The following CNTNAP2 variants were observed in gnomAD, a reference collection of about 807,000 sequenced individuals.
CNTNAP2 encodes the protein contactin associated protein 2.
CNTNAP2 carries 98 observed loss-of-function variants against 155.2 expected under a neutral mutation model. The ratio of observed to expected loss-of-function variants is 0.63; its 90% CI spans 0.54 to 0.75. The LOEUF (loss-of-function observed/expected upper bound fraction) is 0.75, where lower values mean the gene tolerates loss of function less well. Ranked by LOEUF, CNTNAP2 falls within the 30% of genes least tolerant of loss-of-function variation. CNTNAP2 has a pLI of 0.00. For missense variants in CNTNAP2, 1,727 were observed against 1,688.1 expected, an observed-to-expected ratio of 1.02 and a Z score of -0.40; for synonymous variants, 651 against 631.2, an observed-to-expected ratio of 1.03 and a Z score of -0.47.
At chr7:148,384,033 A>C in intron 22 of CNTNAP2, 145 bp downstream of exon 22, 6 of 1,144,670 alleles carry the variant, frequency 5.2e-6, no homozygotes, top group Non-Finnish European at 7.5e-6. Context: ...GTGAGTACGG[A>C]GTTCTCAGGG....
At chr7:147,205,108 C>T (rs1321887923) in intron 8 of CNTNAP2, among the ~76,000 whole-genome samples, 1 of 152,022 alleles carries the variant, frequency 6.6e-6, no homozygotes, top group South Asian at 2.1e-4. Flanking sequence ...ATTTCAGGAC[C>T]TTTTGTGGTA....
At chr7:146,566,998 A>T (rs1798367765) in intron 1 of CNTNAP2, among the ~76,000 whole-genome samples, 1 of 152,204 alleles carries the variant, frequency 6.6e-6, no homozygotes, top group South Asian at 2.1e-4. Flanking sequence ...AACTGACTAG[A>T]ACTACACAGG....
At position 146,209,264 on chromosome 7, in the gene CNTNAP2, A is replaced by G. The variant is rs531263064; in HGVS notation, c.97+92291A>G. The stretch of plus-strand genomic sequence containing the variant: ...AGACAGGTAGGCTACCTCACTTACA[A>G]CCCTACGAGTAGGCTGTCTCCCTAG... On this transcript the variant is annotated intron_variant, in intron 1 of 23. Coordinates refer to ENST00000361727, the MANE Select transcript of CNTNAP2 (RefSeq NM_014141.6). 6.6e-5 allele frequency among the ~76,000 whole-genome samples: 10 copies of G among 152,070 alleles called. No individual in the cohort carries two copies. The South Asian group carries it at 2.1e-3, about 32-fold the overall frequency.
chr7:147,891,386 G>A (rs1347342178), intron 13 of CNTNAP2, among the ~76,000 whole-genome samples: 1 of 152,050 alleles, frequency 6.6e-6, no homozygotes, highest in Non-Finnish European at 1.5e-5. Flanking sequence ...TGTATTTTTA[G>A]TAGAGACGGG....
intron 1 of CNTNAP2, among the ~76,000 whole-genome samples, chr7:146,309,350 T>C (rs1800778762): frequency 6.6e-6 from 1 of 152,168 alleles, no homozygotes; most frequent in Non-Finnish European, 1.5e-5. Context: ...ATGAGTACGC[T>C]GAAAATGAAG....
chr7:146,651,249 G>A (rs1168440221), intron 1 of CNTNAP2, among the ~76,000 whole-genome samples: 6 of 152,074 alleles, frequency 3.9e-5, no homozygotes, highest in African/African-American at 1.4e-4. Flanking sequence ...AGAAATGTGT[G>A]TGTTGTTATG....
chr7:148,267,089 C>T lies in CNTNAP2; in HGVS notation c.3438C>T (p.Phe1146=). 6.2e-7 allele frequency: 1 copy of T among 1,614,198 alleles called. No individual in the cohort carries two copies. Among genetic ancestry groups the T allele is most frequent in the Non-Finnish European group, 8.5e-7 (1 of 1,180,032 alleles). Residue 1146 remains phenylalanine (F), a synonymous_variant, in exon 21 of 24, where the codon TTC becomes TTT. Coordinates refer to ENST00000361727, the MANE Select transcript of CNTNAP2 (RefSeq NM_014141.6). ...YHLPSSSDTL[F]NSPKSLFLGK... ...TGCCAAGTTCATCCGACACCCTCTTCAATTCTCCCAAGTCGCTCTTTCTGG... is the reference window on the plus strand; with the variant it reads ...TGCCAAGTTCATCCGACACCCTCTTTAATTCTCCCAAGTCGCTCTTTCTGG...
At chr7:146,705,242 G>C (rs751154192) in intron 1 of CNTNAP2, among the ~76,000 whole-genome samples, 1 of 152,080 alleles carries the variant, frequency 6.6e-6, no homozygotes, top group Non-Finnish European at 1.5e-5. Flanking sequence ...TCCAGGCTGT[G>C]ATCACAAAAC....
chr7:146,888,917 G>C (rs1795725248), intron 3 of CNTNAP2, among the ~76,000 whole-genome samples: 1 of 152,110 alleles, frequency 6.6e-6, no homozygotes, highest in Non-Finnish European at 1.5e-5. Flanking sequence ...TGGAGAGCTA[G>C]TATCAAGCAC....
At chr7:147,249,604 TAAAA>T (rs755601249) in intron 8 of CNTNAP2, among the ~76,000 whole-genome samples, 1,955 of 70,006 alleles carry the variant, frequency 0.028, 111 homozygotes, top group African/African-American at 0.11. Context: ...ACATTGGAGG[TAAAA>T]AAAAAAAAAA....
intron 1 of CNTNAP2, among the ~76,000 whole-genome samples, chr7:146,662,043 T>C (rs992937512): frequency 1.3e-5 from 2 of 152,202 alleles, no homozygotes; most frequent in African/African-American, 4.8e-5. Context: ...AATTCACTCA[T>C]GGTCAATGAT....
At chr7:147,294,910 T>A (rs1805402086) in intron 8 of CNTNAP2, among the ~76,000 whole-genome samples, 1 of 152,144 alleles carries the variant, frequency 6.6e-6, no homozygotes, top group Non-Finnish European at 1.5e-5. Context: ...TCCACCCGCC[T>A]CGGCCTCCCA....
chr7:147,241,654 AAAG>A (rs1248674273), intron 8 of CNTNAP2, among the ~76,000 whole-genome samples: 2 of 151,856 alleles, frequency 1.3e-5, no homozygotes, highest in Non-Finnish European at 2.9e-5. Flanking sequence ...AAAAAAAAAA[AAAG>A]AAATTGTTTT....
At chr7:146,708,681 C>T (rs1801009609) in intron 1 of CNTNAP2, among the ~76,000 whole-genome samples, 1 of 132,870 alleles carries the variant, frequency 7.5e-6, no homozygotes, top group Admixed American at 8.6e-5. Flanking sequence ...ACTGCAACCT[C>T]TGCCTCCTGG....
chr7:147,555,191 A>G (rs1263446430), intron 11 of CNTNAP2, among the ~76,000 whole-genome samples: 1 of 152,228 alleles, frequency 6.6e-6, no homozygotes, highest in East Asian at 1.9e-4. Flanking sequence ...TTTTGAAAGC[A>G]AGATTAGGAT....
At chr7:148,345,619 G>A (rs567806525) in intron 21 of CNTNAP2, among the ~76,000 whole-genome samples, 4 of 152,050 alleles carry the variant, frequency 2.6e-5, no homozygotes, top group South Asian at 2.1e-4. Flanking sequence ...CCCTGACCTC[G>A]TGATTCGCCC....
At chr7:146,376,977 C>T (rs1446256388) in intron 1 of CNTNAP2, among the ~76,000 whole-genome samples, 1 of 152,124 alleles carries the variant, frequency 6.6e-6, no homozygotes, top group East Asian at 1.9e-4. Context: ...CCTGCAGGTT[C>T]CTTGATCTTG....
chr7:147,422,510 T>A (rs955303767), intron 10 of CNTNAP2, among the ~76,000 whole-genome samples: 2 of 152,100 alleles, frequency 1.3e-5, no homozygotes, highest in South Asian at 4.1e-4. Context: ...AATCATTCCA[T>A]AATGAAGCAA....
At chr7:146,955,078 T>C (rs1282565574) in intron 3 of CNTNAP2, among the ~76,000 whole-genome samples, 1 of 151,960 alleles carries the variant, frequency 6.6e-6, no homozygotes, top group Non-Finnish European at 1.5e-5. Flanking sequence ...CATTGGATAG[T>C]GTAAGTAATT....
Sources: allele counts gnomAD v4.1 joint callset (sites outside exome capture counted in the v4.1 genomes callset), GRCh38; gene constraint gnomAD v4.1.1; transcripts MANE v1.5; gene names NCBI Gene and HGNC (gene_info 2026-07-23, HGNC 2026-07-21).